The following ANK2 variants were observed in gnomAD, a reference collection of about 807,000 sequenced individuals.
ANK2 encodes the protein ankyrin 2.
In ANK2, 83 loss-of-function variants were observed where a neutral mutation model predicts 360.5. The observed-to-expected ratio is 0.23, with a 90% CI of 0.19 to 0.28. The LOEUF (loss-of-function observed/expected upper bound fraction) is 0.28, where lower values mean the gene tolerates loss of function less well. Among genes scored for constraint, ANK2 ranks in the 10% least tolerant of loss-of-function variants. The pLI is 1.00. For synonymous variants in ANK2, 1,740 were observed against 1,759.5 expected (o/e 0.99, Z 0.28); for missense variants, 4,201 against 4,795.7 (o/e 0.88, Z 3.66).
the ANK2 span, among the ~76,000 whole-genome samples, chr4:112,722,397 A>G: frequency 1.3e-5 from 2 of 152,166 alleles, no homozygotes; most frequent in African/African-American, 2.4e-5. Context: ...GTGCACATAT[A>G]CACACACACC....
chr4:112,956,942 G>C lies in ANK2; in HGVS notation c.21+52428G>C, dbSNP rs560238968. Reference sequence around the variant, plus strand: ...GCACTACCTCTACTATGTATTATATGATTTTTTTATTGACGTTGTCTCTTA... The same window carrying C: ...GCACTACCTCTACTATGTATTATATCATTTTTTTATTGACGTTGTCTCTTA... On this transcript the variant is annotated intron_variant, in intron 2 of 30. Transcript: ENST00000503271. 6.1e-5 allele frequency among the ~76,000 whole-genome samples: 9 copies of C among 147,144 alleles called. No homozygotes were observed. In the South Asian group the frequency reaches 2.0e-3, roughly 33 times the overall value.
chr4:113,348,201 T>G, intron 35 of ANK2, 75 bp from the exon 36 acceptor site: 1 of 1,480,512 alleles, frequency 6.8e-7, no homozygotes, highest in South Asian at 1.1e-5. Flanking sequence ...TATTTACTCT[T>G]TCCTTTTCTT....
intron 2 of ANK2, among the ~76,000 whole-genome samples, chr4:112,946,239 G>GT (rs2094534908): frequency 6.6e-6 from 1 of 152,136 alleles, no homozygotes; most frequent in Non-Finnish European, 1.5e-5. Context: ...GTGGAAAGGA[G>GT]CCCATGTCAA....
At chr4:113,196,951 G>T (rs1459331311) in intron 3 of ANK2, among the ~76,000 whole-genome samples, 1 of 152,082 alleles carries the variant, frequency 6.6e-6, no homozygotes, top group African/African-American at 2.4e-5. Flanking sequence ...AGGACTTATG[G>T]GACATCAGTC....
chr4:113,233,106 G>GTTTTT (rs1156385030), intron 5 of ANK2, among the ~76,000 whole-genome samples: 1 of 79,644 alleles, frequency 1.3e-5, no homozygotes, highest in Non-Finnish European at 2.5e-5. Context: ...TGGCTTTTCT[G>GTTTTT]TTTTTTTTTT....
chr4:113,305,487 G>A (rs1479493805), intron 23 of ANK2, among the ~76,000 whole-genome samples: 1 of 152,102 alleles, frequency 6.6e-6, no homozygotes, highest in Non-Finnish European at 1.5e-5. Flanking sequence ...GAATATTGGT[G>A]AATGACCAAG....
At chr4:113,022,495 C>T (rs1031536788) in intron 2 of ANK2, among the ~76,000 whole-genome samples, 1 of 152,046 alleles carries the variant, frequency 6.6e-6, no homozygotes, top group Non-Finnish European at 1.5e-5. Flanking sequence ...GCATCTTAGT[C>T]GCATCCTGTA....
intron 2 of ANK2, among the ~76,000 whole-genome samples, chr4:112,999,593 C>A (rs192285035): frequency 7.2e-5 from 11 of 151,948 alleles, no homozygotes; most frequent in Admixed American, 5.9e-4. Flanking sequence ...AATACAAAGC[C>A]AGTGGTGATT....
chr4:113,319,350 C>G (rs2084717052), intron 26 of ANK2, among the ~76,000 whole-genome samples: 1 of 151,472 alleles, frequency 6.6e-6, no homozygotes, highest in Non-Finnish European at 1.5e-5. Context: ...CAATTTCTTC[C>G]TTACATATTA....
chr4:112,827,480 T>A, intron 1 of ANK2: 1 of 1,343,652 alleles, frequency 7.4e-7, no homozygotes, highest in Non-Finnish European at 1.1e-6. Flanking sequence ...ACATCCAGCC[T>A]GACAGTCACC....
the ANK2 span, chr4:112,797,724 T>C: frequency 5.6e-6 from 1 of 177,116 alleles, no homozygotes; most frequent in Non-Finnish European, 1.2e-5. Flanking sequence ...GGTACTGAAA[T>C]TTTCCTTGCT....
chr4:113,050,484 CA>C (rs1479946656), intron 1 of ANK2, among the ~76,000 whole-genome samples: 1 of 152,178 alleles, frequency 6.6e-6, no homozygotes, highest in Admixed American at 6.5e-5. Flanking sequence ...TACATTCCCA[CA>C]CCCTCGATTT....
At chr4:112,829,984 A>T (rs181495632) in intron 1 of ANK2, among the ~76,000 whole-genome samples, 159 of 152,222 alleles carry the variant, frequency 1.0e-3, no homozygotes, top group African/African-American at 3.2e-3. Context: ...AAAAATAAAA[A>T]AAAAGTCAAA....
At chr4:112,847,382 A>G (rs934947589) in intron 1 of ANK2, among the ~76,000 whole-genome samples, 3 of 152,200 alleles carry the variant, frequency 2.0e-5, no homozygotes, top group African/African-American at 7.2e-5. Flanking sequence ...TCTTCTTTAT[A>G]TCTTACTCTC....
intron 1 of ANK2, among the ~76,000 whole-genome samples, chr4:113,155,196 A>G (rs1435917657): frequency 6.6e-6 from 1 of 152,194 alleles, no homozygotes; most frequent in East Asian, 1.9e-4. Context: ...TGAACCGAGT[A>G]TTAACATATG....
At position 113,381,637 on chromosome 4, in the gene ANK2, G is replaced by C. The variant is rs777088977; in HGVS notation, c.*166G>C. 6.5e-7 allele frequency: 1 copy of C among 1,548,418 alleles called. No individual in the cohort carries two copies. The highest frequency in any genetic ancestry group is 8.7e-7 in the Non-Finnish European group (1 of 1,147,500). On this transcript the variant is annotated 3_prime_UTR_variant, in exon 46 of 46. Coordinates refer to ENST00000357077, the MANE Select transcript of ANK2 (RefSeq NM_001148.6). ...AGGAGGACTTGAAGCAAGAGGCCAA[G>C]TGAGGGGCTGCCCAGTTCTCACACC...
At chr4:112,898,170 A>G (rs1431861324) in intron 1 of ANK2, among the ~76,000 whole-genome samples, 1 of 152,168 alleles carries the variant, frequency 6.6e-6, no homozygotes, top group Non-Finnish European at 1.5e-5. Context: ...TTATATTAGC[A>G]TGGCATATTT....
chr4:113,183,379 T>A (rs1480792279), intron 2 of ANK2, among the ~76,000 whole-genome samples: 1 of 152,114 alleles, frequency 6.6e-6, no homozygotes, highest in Non-Finnish European at 1.5e-5. Flanking sequence ...GTGGCATGTG[T>A]GTGTGTTCTT....
intron 4 of ANK2, chr4:113,213,918 T>C: frequency 3.4e-6 from 2 of 595,806 alleles, no homozygotes; most frequent in Non-Finnish European, 5.8e-6. Context: ...ACTATGAATA[T>C]AAATGGAAAA....
Sources: allele counts gnomAD v4.1 joint callset (sites outside exome capture counted in the v4.1 genomes callset), GRCh38; gene constraint gnomAD v4.1.1; transcripts MANE v1.5; gene names NCBI Gene and HGNC (gene_info 2026-07-23, HGNC 2026-07-21).